ASF1A: variants seen among roughly 807,000 people sequenced by gnomAD.
ASF1A encodes anti-silencing function 1A histone chaperone.
Under a neutral mutation model 22.0 loss-of-function variants are expected in ASF1A, and 5 were observed. The ratio of observed to expected loss-of-function variants is 0.23; its 90% confidence interval spans 0.12 to 0.48. The LOEUF (loss-of-function observed/expected upper bound fraction) is 0.48. ASF1A is among the 20% of genes least tolerant of loss of function. The pLI is 0.99. For missense variants in ASF1A, 137 were observed against 240.6 expected (o/e 0.57, Z 2.85); for synonymous variants, 97 against 86.7 (o/e 1.12, Z -0.66).
chr6:118,899,640 A>G (rs755982837), intron 1 of ASF1A, among the ~76,000 whole-genome samples: 5 of 152,238 alleles, frequency 3.3e-5, no homozygotes, highest in Admixed American at 6.5e-5. Flanking sequence ...TGCTGACTTA[A>G]TAAGAGAAAA....
chr6:118,894,611 T>C lies in ASF1A; in HGVS notation c.109+89T>C. The C allele has an allele frequency of 3.4e-6, 4 of 1,178,638 alleles. No homozygotes were observed. In the South Asian group the frequency reaches 5.3e-5, roughly 16 times the overall value. 73.0% of individuals were successfully genotyped at this position (1,178,638 alleles called of 1,614,324 possible). On this transcript the variant is annotated intron_variant, in intron 1 of 3. Transcript: ENST00000229595. ...GGCCGGGCCTCGCGCTGGGCGGCTGTGTTCGGCGCCTGGCGGCCGCGGGCT... is the reference window on the plus strand; with the variant it reads ...GGCCGGGCCTCGCGCTGGGCGGCTGCGTTCGGCGCCTGGCGGCCGCGGGCT...
At chr6:118,897,211 A>C (rs114846340) in intron 1 of ASF1A, among the ~76,000 whole-genome samples, 2,123 of 152,286 alleles carry the variant, frequency 0.014, 42 homozygotes, top group African/African-American at 0.049. Context: ...GAGTTTGGCC[A>C]CCGTTTTTCA....
rs1245434998 is a variant in ASF1A, at chr6:118,900,896, G to T, written c.225+15G>T. On this transcript the variant is annotated intron_variant, in intron 2 of 3. Coordinates refer to ENST00000229595, the MANE Select transcript of ASF1A (RefSeq NM_014034.3). ...TTGTATTTCAGGTAAGATTAATCTTGGTAAATGTGTATGCCAAATATGTTT... is the reference window on the plus strand; with the variant it reads ...TTGTATTTCAGGTAAGATTAATCTTTGTAAATGTGTATGCCAAATATGTTT... 6.6e-7 allele frequency: 1 copy of T among 1,521,386 alleles called. No individual in the cohort carries two copies. 94.2% of individuals were successfully genotyped at this position (1,521,386 alleles called of 1,614,324 possible). A position where few individuals can be genotyped will look rare whatever the true frequency, so the allele number is the denominator to read the frequency against.
chr6:118,903,903 C>T (rs1779987040), intron 2 of ASF1A, among the ~76,000 whole-genome samples: 1 of 152,114 alleles, frequency 6.6e-6, no homozygotes, highest in African/African-American at 2.4e-5. Context: ...AAGATTATCA[C>T]CACGTTTTAA....
At chr6:118,897,027 C>T (rs1282918773) in intron 1 of ASF1A, among the ~76,000 whole-genome samples, 2 of 151,922 alleles carry the variant, frequency 1.3e-5, no homozygotes, top group African/African-American at 2.4e-5. Flanking sequence ...TTTGTAGAGA[C>T]GGAGTTTTGC....
In ASF1A at chr6:118,907,595, C is replaced by G; in HGVS notation, c.596C>G (p.Ser199Cys). Reference sequence around the variant, plus strand: ...AACTCACTAAATGTCATGTTAGAATCCCACATGGACTGCATGTGACCACCT... The same window carrying G: ...AACTCACTAAATGTCATGTTAGAATGCCACATGGACTGCATGTGACCACCT... Reference protein sequence around the residue: ...SENSLNVMLESHMDCM With the variant: ...SENSLNVMLECHMDCM Residue 199 changes from serine (S) to cysteine (C), a missense_variant, in exon 4 of 4, where the codon TCC becomes TGC. Around this residue, in one of 2 missense-constraint regions of ASF1A, gnomAD observed 41 missense variants for 43.9 expected, o/e 0.93. Coordinates refer to ENST00000229595, the MANE Select transcript of ASF1A (RefSeq NM_014034.3). 6.2e-7 allele frequency: 1 copy of G among 1,613,308 alleles called. No homozygotes were observed. The highest frequency in any genetic ancestry group is 1.3e-5 in the African/African-American group (1 of 75,000).
At chr6:118,897,376 G>A (rs983028295) in intron 1 of ASF1A, among the ~76,000 whole-genome samples, 5 of 152,002 alleles carry the variant, frequency 3.3e-5, no homozygotes, top group Non-Finnish European at 5.9e-5. Flanking sequence ...TGAGACCCTG[G>A]CTGGATGTGC....
intron 1 of ASF1A, among the ~76,000 whole-genome samples, chr6:118,898,361 G>A (rs1432407272): frequency 1.3e-5 from 2 of 151,954 alleles, no homozygotes; most frequent in African/African-American, 4.8e-5. Context: ...TTAGGATCAA[G>A]GGCATTATAT....
Position 118,908,868 on chromosome 6 carries a change from C to A in ASF1A, c.*1254C>A. ...TCATATCTAAAACTTTTATACTGCA[C>A]TTTTTAAAGCTTTTATGTTGAGGAA... On this transcript the variant is annotated 3_prime_UTR_variant, in exon 4 of 4. Transcript: ENST00000229595. 1 of 152,642 alleles carries A rather than the reference C, an allele frequency of 6.6e-6. No homozygotes were observed. 9.5% of individuals were successfully genotyped at this position (152,642 alleles called of 1,614,324 possible).
intron 2 of ASF1A, among the ~76,000 whole-genome samples, chr6:118,903,621 G>C (rs1440826098): frequency 6.6e-6 from 1 of 152,196 alleles, no homozygotes; most frequent in Non-Finnish European, 1.5e-5. Flanking sequence ...GAGTTAGAAA[G>C]GGCGTCACTG....
chr6:118,896,569 C>G (rs1038916311), intron 1 of ASF1A, among the ~76,000 whole-genome samples: 18 of 152,124 alleles, frequency 1.2e-4, no homozygotes, highest in African/African-American at 4.3e-4. Context: ...ATTTACAGTA[C>G]TGGTGTCAAA....
chr6:118,894,588 C>A, intron 1 of ASF1A, 66 bp downstream of exon 1: 1 of 1,348,936 alleles, frequency 7.4e-7, no homozygotes, highest in Non-Finnish European at 1.0e-6. Context: ...GTTTCCCGGG[C>A]CGGGCCTCGC....
At chr6:118,906,087 T>G (rs1780159730) in intron 3 of ASF1A, among the ~76,000 whole-genome samples, 1 of 152,200 alleles carries the variant, frequency 6.6e-6, no homozygotes, top group Admixed American at 6.5e-5. Context: ...CCTCTTTTTT[T>G]TCTGAGATGG....
In ASF1A at chr6:118,894,392, T is replaced by C. The variant is rs1026056990; in HGVS notation, c.-22T>C. ...GTGCCGCAACCAGCCCCAGTTCCCA[T>C]TGTTTGTGTTTTTTTCAAAATATGG... On this transcript the variant is annotated 5_prime_UTR_variant, in exon 1 of 4. Coordinates refer to ENST00000229595, the MANE Select transcript of ASF1A (RefSeq NM_014034.3). The C allele has an allele frequency of 2.2e-5, 34 of 1,533,070 alleles. No individual in the cohort carries two copies. The highest frequency in any genetic ancestry group is 5.5e-5 in the African/African-American group (4 of 72,770). 95.0% of individuals were successfully genotyped at this position (1,533,070 alleles called of 1,614,324 possible).
At chr6:118,897,421 A>G (rs1583586623) in intron 1 of ASF1A, among the ~76,000 whole-genome samples, 2 of 151,938 alleles carry the variant, frequency 1.3e-5, no homozygotes, top group South Asian at 4.2e-4. Flanking sequence ...GTTTTGATTG[A>G]CCATCCTGCC....
rs1169054215 is a variant in ASF1A at position 118,908,142 on chromosome 6, A to G, written c.*528A>G. ...CAAGAACTTTAGGATCCAATTTTCCAAGCCACCGTGAAGCCTCTTATGGCT... is the reference window on the plus strand; with the variant it reads ...CAAGAACTTTAGGATCCAATTTTCCGAGCCACCGTGAAGCCTCTTATGGCT... On this transcript the variant is annotated 3_prime_UTR_variant, in exon 4 of 4. Transcript: ENST00000229595. 1 of 152,872 alleles carries G rather than the reference A, an allele frequency of 6.5e-6. No homozygotes were observed. The highest frequency in any genetic ancestry group is 1.9e-4 in the East Asian group (1 of 5,210). The allele number at this position is 152,872 out of a possible 1,614,324, so 9.5% of individuals were successfully genotyped here.
Position 118,894,455 on chromosome 6 carries a change from C to T in ASF1A, c.42C>T (p.Asn14=). ...VQVNNVVVLD[N]PSPFYNPFQF... is the part of the protein sequence containing the mutation. ...TGAACAATGTAGTGGTGCTGGATAA[C>T]CCTTCTCCTTTCTACAACCCGTTCC... Residue 14 remains asparagine (N), a synonymous_variant, in exon 1 of 4, where the codon AAC becomes AAT. Coordinates refer to ENST00000229595, the MANE Select transcript of ASF1A (RefSeq NM_014034.3). The T allele has an allele frequency of 4.6e-6, 7 of 1,537,162 alleles. No individual in the cohort carries two copies. The South Asian group carries it at 8.3e-5, about 18-fold the overall frequency.
chr6:118,904,932 G>A (rs766612087), intron 2 of ASF1A, among the ~76,000 whole-genome samples: 3 of 152,150 alleles, frequency 2.0e-5, no homozygotes, highest in Non-Finnish European at 2.9e-5. Flanking sequence ...CCACCTCCTC[G>A]GTTCAAGTGA....
chr6:118,900,719 A>C, intron 1 of ASF1A, 47 bp from the exon 2 acceptor site: 14 of 1,257,332 alleles, frequency 1.1e-5, no homozygotes, highest in Non-Finnish European at 1.4e-5. Flanking sequence ...GTCATCTGGT[A>C]ATGTAATTAC....
Sources: allele counts gnomAD v4.1 joint callset (sites outside exome capture counted in the v4.1 genomes callset), GRCh38; gene constraint gnomAD v4.1.1; regional missense constraint gnomAD v4.1.1; transcripts MANE v1.5; gene names NCBI Gene and HGNC (gene_info 2026-07-23, HGNC 2026-07-21).